BRD4: variants seen among roughly 807,000 people sequenced by gnomAD.
BRD4 encodes bromodomain-containing protein 4.
A neutral mutation model predicts 142.1 loss-of-function variants in BRD4; 16 were observed. The observed-to-expected ratio is 0.11, with a 90% CI of 0.08 to 0.17. BRD4 has a LOEUF of 0.17. BRD4 is among the 10% of genes least tolerant of loss of function. BRD4 has a pLI of 1.00. For synonymous variants in BRD4, 833 were observed against 707.5 expected (o/e 1.18, Z -2.82); for missense variants, 1,424 against 1,810.9 (o/e 0.79, Z 3.88).
intron 1 of BRD4, among the ~76,000 whole-genome samples, chr19:15,273,465 T>G (rs2047612427): frequency 6.6e-6 from 1 of 152,230 alleles, no homozygotes; most frequent in East Asian, 1.9e-4. Flanking sequence ...AACCTGCACA[T>G]CCCTTTTCCC....
Position 15,292,777 on chromosome 19 carries a change from C to CAAAAAAAAAAAAAAAAAAAAAA in BRD4, c.-34-19666_-34-19645dup, listed in dbSNP as rs57341445. ...TAGGTGACAGATCAAGACTCCGTCT[C>CAAAAAAAAAAAAAAAAAAAAAA]AAAAAAAAAAAAAAAAAAAAAAAAA... On this transcript the variant is annotated intron_variant, in intron 1 of 19. Coordinates refer to ENST00000679869, the MANE Select transcript of BRD4 (RefSeq NM_001379291.1). Among the ~76,000 whole-genome samples, 42 of 57,254 alleles carry CAAAAAAAAAAAAAAAAAAAAAA rather than the reference C, an allele frequency of 7.3e-4. 1 individual carries two copies. The highest frequency in any genetic ancestry group is 1.1e-3 in the Non-Finnish European group (34 of 30,802). 37.6% of individuals were successfully genotyped at this position (57,254 alleles called of 152,430 possible). A position where few individuals can be genotyped will look rare whatever the true frequency, so the allele number is the denominator to read the frequency against.
chr19:15,305,366 G>C (rs1004890644), intron 1 of BRD4, among the ~76,000 whole-genome samples: 27 of 152,130 alleles, frequency 1.8e-4, no homozygotes, highest in Non-Finnish European at 3.2e-4. Context: ...TTAATAATAA[G>C]ACTTGAAAGG....
At chr19:15,296,726 C>A (rs1477199600) in intron 1 of BRD4, among the ~76,000 whole-genome samples, 1 of 152,180 alleles carries the variant, frequency 6.6e-6, no homozygotes, top group Non-Finnish European at 1.5e-5. Context: ...CGTCCAGCGG[C>A]AGAGCTTTAA....
chr19:15,305,665 G>C (rs550363244), intron 1 of BRD4, among the ~76,000 whole-genome samples: 3 of 152,138 alleles, frequency 2.0e-5, no homozygotes, highest in African/African-American at 7.2e-5. Context: ...TAAGGTCCTT[G>C]GATATTCAGA....
At chr19:15,270,521 T>C in intron 2 of BRD4, among the ~76,000 whole-genome samples, 1 of 152,186 alleles carries the variant, frequency 6.6e-6, no homozygotes, top group East Asian at 1.9e-4. Context: ...TTAAATTTTA[T>C]TCTATGGCCA....
chr19:15,331,380 C>CA (rs1182727875), intron 1 of BRD4, among the ~76,000 whole-genome samples: 2 of 152,202 alleles, frequency 1.3e-5, no homozygotes, highest in African/African-American at 4.8e-5. Context: ...CGCTGAATCA[C>CA]AACTCCCCCA....
intron 1 of BRD4, among the ~76,000 whole-genome samples, chr19:15,296,425 T>G (rs1208899010): frequency 1.3e-5 from 2 of 152,178 alleles, no homozygotes; most frequent in Non-Finnish European, 2.9e-5. Flanking sequence ...AAGTGCATAT[T>G]GGCATGGATA....
At chr19:15,240,752 G>A (rs1426806174) in intron 14 of BRD4, among the ~76,000 whole-genome samples, 3 of 152,216 alleles carry the variant, frequency 2.0e-5, no homozygotes, top group African/African-American at 7.2e-5. Flanking sequence ...CTGTGCAGCT[G>A]GAGCAGCTGA....
intron 1 of BRD4, among the ~76,000 whole-genome samples, chr19:15,316,070 G>A (rs2048015245): frequency 6.7e-6 from 1 of 149,148 alleles, no homozygotes; most frequent in South Asian, 2.2e-4. Flanking sequence ...GCAGAAGAAT[G>A]GCGTGAACCC....
Position 15,239,160 on chromosome 19 carries a change from G to T in BRD4, c.3681C>A (p.Phe1227Leu). 6.2e-7 allele frequency: 1 copy of T among 1,612,748 alleles called. No individual in the cohort carries two copies. Among genetic ancestry groups the T allele is most frequent in the South Asian group, 1.1e-5 (1 of 91,052 alleles). ...CCTCTTTCTCCCGAGCGGCGCGGCG[G>T]AACTGCTCGAAGCTGTCGCTGGATG... ...AKSSSDSFEQ[F>L]RRAAREKEER... The change falls in exon 18 of 20, where the codon TTC (phenylalanine) becomes TTA (leucine). Residue 1227 changes from phenylalanine (F) to leucine (L), a missense_variant. This residue lies in a region of BRD4 where 49 missense variants were observed against 97.3 expected (regional missense o/e 0.50). Transcript: ENST00000679869. The surrounding 1 kb of genome is among the most constrained non-coding windows in gnomAD (Gnocchi z 7.4).
intron 11 of BRD4, chr19:15,249,361 G>A: frequency 6.2e-7 from 1 of 1,612,440 alleles, no homozygotes; most frequent in South Asian, 1.1e-5. Flanking sequence ...CACAAGAACA[G>A]AAGAACCGCA....
chr19:15,265,960 G>C (rs1337950468), intron 4 of BRD4, among the ~76,000 whole-genome samples: 2 of 152,176 alleles, frequency 1.3e-5, no homozygotes, highest in Non-Finnish European at 2.9e-5. Context: ...ACAGAGAGCG[G>C]GAAAACACTC....
rs1298800516 is a variant in BRD4 at position 15,239,194 on chromosome 19, G to A, written c.3647C>T (p.Thr1216Ile). 4.3e-6 allele frequency: 7 copies of A among 1,613,256 alleles called. No homozygotes were observed. Among genetic ancestry groups the A allele is most frequent in the Non-Finnish European group, 5.9e-6 (7 of 1,180,018 alleles). ...GAAGCTGTCGCTGGATGACTTGGCTGTGGAGGAGGGGGTGGTCGGATGCTT... is the reference window on the plus strand; with the variant it reads ...GAAGCTGTCGCTGGATGACTTGGCTATGGAGGAGGGGGTGGTCGGATGCTT... The part of the protein sequence containing the change: ...VQKHPTTPSS[T>I]AKSSSDSFEQ... Residue 1216 changes from threonine to isoleucine, a missense_variant, in exon 18 of 20, where the codon ACA becomes ATA. Around this residue, in one of 16 missense-constraint regions of BRD4, gnomAD observed 49 missense variants for 97.3 expected, o/e 0.50. Transcript: ENST00000679869. This position sits in a 1 kb window ranked among gnomAD's most constrained non-coding sequence, Gnocchi z 7.4.
intron 1 of BRD4, among the ~76,000 whole-genome samples, chr19:15,276,888 T>C (rs1199694407): frequency 1.3e-5 from 2 of 152,052 alleles, no homozygotes; most frequent in Non-Finnish European, 2.9e-5. Flanking sequence ...GCTCTGGCCA[T>C]GGACGGGGAG....
At chr19:15,271,023 C>A (rs1051383832) in intron 2 of BRD4, among the ~76,000 whole-genome samples, 5 of 152,186 alleles carry the variant, frequency 3.3e-5, no homozygotes, top group Non-Finnish European at 2.9e-5. Flanking sequence ...GTCCTGGCCA[C>A]TCTCCAGCCT....
intron 11 of BRD4, among the ~76,000 whole-genome samples, chr19:15,251,915 T>C (rs980552977): frequency 6.6e-6 from 1 of 152,236 alleles, no homozygotes. Flanking sequence ...AGAGCCCAGA[T>C]AGCTGCATGA....
intron 11 of BRD4, among the ~76,000 whole-genome samples, chr19:15,252,484 A>T (rs765348992): frequency 1.3e-5 from 2 of 152,222 alleles, no homozygotes; most frequent in African/African-American, 4.8e-5. Context: ...GGAAAGTGAA[A>T]AGTCAGCGGC....
intron 1 of BRD4, among the ~76,000 whole-genome samples, chr19:15,297,013 T>A (rs1161915162): frequency 6.6e-6 from 1 of 152,158 alleles, no homozygotes; most frequent in African/African-American, 2.4e-5. Context: ...GGCAGGCACC[T>A]CAGCCCCAGG....
At position 15,238,475 on chromosome 19, in the gene BRD4, A is replaced by G. The variant is rs758284750; in HGVS notation, c.4021-30T>C. The G allele has an allele frequency of 4.3e-6, 7 of 1,613,676 alleles. No individual in the cohort carries two copies. The highest frequency in any genetic ancestry group is 5.9e-6 in the Non-Finnish European group (7 of 1,179,884). ...AGGAGAAAGGAAGGAGGGAGTCAGG[A>G]GGATGACCTAGCCACCCTGCAGCTA... On this transcript the variant is annotated intron_variant, in intron 19 of 19. Coordinates refer to ENST00000679869, the MANE Select transcript of BRD4 (RefSeq NM_001379291.1). The surrounding 1 kb of genome is among the most constrained non-coding windows in gnomAD (Gnocchi z 7.2).
Sources: allele counts gnomAD v4.1 joint callset (sites outside exome capture counted in the v4.1 genomes callset), GRCh38; gene constraint gnomAD v4.1.1; regional missense constraint gnomAD v4.1.1; non-coding constraint Gnocchi (gnomAD v3.1); transcripts MANE v1.5; gene names NCBI Gene and HGNC (gene_info 2026-07-23, HGNC 2026-07-21).